PLPPR1: variants seen among roughly 807,000 people sequenced by gnomAD.
PLPPR1 encodes phospholipid phosphatase-related protein type 1.
A neutral mutation model predicts 33.1 loss-of-function variants in PLPPR1; 10 were observed. The observed-to-expected ratio is 0.30, with a 90% CI of 0.19 to 0.51. The LOEUF is 0.51. Ranked by LOEUF, PLPPR1 falls within the 20% of genes least tolerant of loss-of-function variation. The probability of loss-of-function intolerance (pLI) is 0.97; values close to 1 mark genes in which losing one functional copy is unlikely to be tolerated. For missense variants in PLPPR1, 304 were observed against 408.1 expected, an observed-to-expected ratio of 0.74 and a Z score of 2.20; for synonymous variants, 151 against 151.0, an observed-to-expected ratio of 1.00 and a Z score of 0.00.
rs41274977 is a variant in PLPPR1, at chr9:101,317,435, G to A, written c.884G>A (p.Arg295His). 5.5e-5 allele frequency: 89 copies of A among 1,613,964 alleles called. No individual in the cohort carries two copies. The highest frequency in any genetic ancestry group is 1.1e-4 in the East Asian group (5 of 44,876). ...TCCAAACCCAAGCCTGAGGATCCCCGTGGAGTACCCCTAATGGCTTTCCCA... is the reference window on the plus strand; with the variant it reads ...TCCAAACCCAAGCCTGAGGATCCCCATGGAGTACCCCTAATGGCTTTCCCA... ...SPSKPKPEDP[R>H]GVPLMAFPRI... Residue 295 changes from arginine to histidine, a missense_variant, in exon 7 of 8, where the codon CGT becomes CAT. Transcript: ENST00000374874.
chr9:101,176,214 A>G (rs1410656064), intron 1 of PLPPR1, among the ~76,000 whole-genome samples: 1 of 152,078 alleles, frequency 6.6e-6, no homozygotes, highest in Non-Finnish European at 1.5e-5. Context: ...CTGAGGCCCC[A>G]CCTCCACCTA....
chr9:101,086,325 C>T (rs77260114), intron 1 of PLPPR1, among the ~76,000 whole-genome samples: 3,219 of 152,224 alleles, frequency 0.021, 73 homozygotes, highest in African/African-American at 0.057. Context: ...AGAAGGTAAA[C>T]GGTGATATAT....
chr9:101,163,057 C>A (rs1192314115), intron 1 of PLPPR1, among the ~76,000 whole-genome samples: 1 of 152,156 alleles, frequency 6.6e-6, no homozygotes, highest in Non-Finnish European at 1.5e-5. Context: ...TTAAGCTTTT[C>A]TGAAAATAGA....
intron 1 of PLPPR1, among the ~76,000 whole-genome samples, chr9:101,050,844 C>G (rs1830213452): frequency 6.6e-6 from 1 of 152,126 alleles, no homozygotes; most frequent in Non-Finnish European, 1.5e-5. Context: ...TTCTGAAACC[C>G]TTGTGTTACC....
At chr9:101,070,308 G>A (rs979323371) in intron 1 of PLPPR1, among the ~76,000 whole-genome samples, 1 of 151,820 alleles carries the variant, frequency 6.6e-6, no homozygotes, top group African/African-American at 2.4e-5. Context: ...ATATACTTTG[G>A]GTTATAATCC....
At chr9:101,213,941 C>A (rs1826735516) in intron 2 of PLPPR1, among the ~76,000 whole-genome samples, 1 of 152,258 alleles carries the variant, frequency 6.6e-6, no homozygotes, top group South Asian at 2.1e-4. Context: ...TTCTATGACT[C>A]CTTATATTCA....
At chr9:101,108,233 T>C (rs1243867346) in intron 1 of PLPPR1, among the ~76,000 whole-genome samples, 2 of 152,212 alleles carry the variant, frequency 1.3e-5, no homozygotes, top group East Asian at 1.9e-4. Flanking sequence ...ATAATAATAA[T>C]AATAATCATG....
chr9:101,061,611 A>G (rs1830348418), intron 1 of PLPPR1, among the ~76,000 whole-genome samples: 1 of 151,916 alleles, frequency 6.6e-6, no homozygotes, highest in Admixed American at 6.6e-5. Context: ...AGTAAGATTC[A>G]CTCATTTGAT....
chr9:101,194,465 G>A (rs1419138824), intron 2 of PLPPR1, among the ~76,000 whole-genome samples: 1 of 152,032 alleles, frequency 6.6e-6, no homozygotes, highest in Non-Finnish European at 1.5e-5. Flanking sequence ...AGTTCAAAAT[G>A]CTGACCGGGC....
chr9:101,275,864 A>C (rs569142508), intron 3 of PLPPR1, among the ~76,000 whole-genome samples: 1 of 152,200 alleles, frequency 6.6e-6, no homozygotes, highest in East Asian at 1.9e-4. Context: ...GTGTGCGCGC[A>C]TGCATTACAA....
chr9:101,073,878 A>G (rs1830508167), intron 1 of PLPPR1, among the ~76,000 whole-genome samples: 1 of 151,652 alleles, frequency 6.6e-6, no homozygotes, highest in Admixed American at 6.6e-5. Context: ...AATCTGTTTT[A>G]TGGAGACAGA....
chr9:101,034,775 A>T (rs767551399), intron 1 of PLPPR1, among the ~76,000 whole-genome samples: 2 of 150,088 alleles, frequency 1.3e-5, no homozygotes, highest in Non-Finnish European at 3.0e-5. Flanking sequence ...TATGCTCAGG[A>T]CTCAAGAGAT....
chr9:101,152,081 A>T (rs182507124), intron 1 of PLPPR1, among the ~76,000 whole-genome samples: 14 of 152,282 alleles, frequency 9.2e-5, no homozygotes, highest in African/African-American at 3.4e-4. Context: ...CTTTTTAATG[A>T]TCGCCATTCT....
At chr9:101,281,644 C>T (rs942015161) in intron 3 of PLPPR1, among the ~76,000 whole-genome samples, 2 of 151,588 alleles carry the variant, frequency 1.3e-5, no homozygotes, top group African/African-American at 4.8e-5. Flanking sequence ...TAGAGAAGAA[C>T]AAAATGAAGA....
intron 1 of PLPPR1, among the ~76,000 whole-genome samples, chr9:101,050,859 C>A (rs1830213639): frequency 1.3e-5 from 2 of 152,138 alleles, no homozygotes; most frequent in Admixed American, 1.3e-4. Context: ...GTTACCACAA[C>A]CTCTTAGCCT....
intron 7 of PLPPR1, among the ~76,000 whole-genome samples, 166 bp from the exon 8 acceptor site, chr9:101,323,858 AC>A (rs1394844925): frequency 6.6e-6 from 1 of 152,144 alleles, no homozygotes; most frequent in Non-Finnish European, 1.5e-5. Flanking sequence ...AAATAAAAAA[AC>A]CAAAGAGGTA....
At chr9:101,071,845 G>T (rs796402341) in intron 1 of PLPPR1, among the ~76,000 whole-genome samples, 8 of 152,292 alleles carry the variant, frequency 5.3e-5, no homozygotes, top group African/African-American at 1.9e-4. Flanking sequence ...CCAGGGTAGG[G>T]TGTGTAATGA....
chr9:101,192,142 T>C (rs1826306594), intron 2 of PLPPR1, among the ~76,000 whole-genome samples: 1 of 152,182 alleles, frequency 6.6e-6, no homozygotes, highest in Admixed American at 6.5e-5. Flanking sequence ...TTCCCTTATT[T>C]TGTGTGTCTC....
chr9:101,045,635 T>A (rs1830134304), intron 1 of PLPPR1, among the ~76,000 whole-genome samples: 1 of 152,248 alleles, frequency 6.6e-6, no homozygotes, highest in South Asian at 2.1e-4. Flanking sequence ...GTACAAGCCA[T>A]GAGTGATGAC....
Sources: gnomAD v4.1 joint callset for allele counts (sites outside exome capture counted in the v4.1 genomes callset) on GRCh38, gnomAD v4.1.1 for gene constraint, MANE v1.5 for transcripts, NCBI Gene and HGNC (gene_info 2026-07-23, HGNC 2026-07-21) for gene names.